PRKN: variants seen among roughly 807,000 people sequenced by gnomAD.
PRKN encodes E3 ubiquitin-protein ligase parkin.
In PRKN, 56 loss-of-function variants were observed where a neutral mutation model predicts 59.5. The ratio of observed to expected loss-of-function variants is 0.94; its 90% CI spans 0.76 to 1.18. PRKN has a LOEUF of 1.18. Ranked by LOEUF, PRKN falls within the 50% of genes most tolerant of loss-of-function variation. The pLI is 0.00. For synonymous variants in PRKN, 250 were observed against 222.1 expected, an observed-to-expected ratio of 1.13 and a Z score of -1.12; for missense variants, 657 against 596.4, an observed-to-expected ratio of 1.10 and a Z score of -1.06.
At chr6:161,351,840 G>A (rs1183302103) in intron 11 of PRKN, among the ~76,000 whole-genome samples, 5 of 152,130 alleles carry the variant, frequency 3.3e-5, no homozygotes, top group African/African-American at 9.7e-5. Flanking sequence ...ATCTCACCAA[G>A]GTCTGTGTGA....
intron 1 of PRKN, among the ~76,000 whole-genome samples, chr6:162,533,900 G>A (rs937122945): frequency 6.6e-6 from 1 of 150,600 alleles, no homozygotes; most frequent in Non-Finnish European, 1.5e-5. Context: ...GAACCCAGGA[G>A]GCAGAGGTTG....
intron 9 of PRKN, among the ~76,000 whole-genome samples, chr6:161,501,809 C>A (rs951210826): frequency 6.6e-6 from 1 of 152,148 alleles, no homozygotes; most frequent in African/African-American, 2.4e-5. Flanking sequence ...GTCTATAAAC[C>A]AAACAGACAG....
chr6:161,777,846 GTATA>G (rs975621874), intron 7 of PRKN, among the ~76,000 whole-genome samples: 1 of 142,962 alleles, frequency 7.0e-6, no homozygotes, highest in Non-Finnish European at 1.5e-5. Flanking sequence ...ACGTATATAT[GTATA>G]TATGTGTATA....
chr6:162,491,269 C>CAAAA (rs1415926992), intron 1 of PRKN, among the ~76,000 whole-genome samples: 1 of 76,030 alleles, frequency 1.3e-5, no homozygotes, highest in Non-Finnish European at 2.8e-5. Context: ...GACTCTGGCT[C>CAAAA]AAAAAAAAAA....
intron 6 of PRKN, among the ~76,000 whole-genome samples, chr6:161,875,004 TTA>T (rs1491468046): frequency 3.2e-5 from 3 of 92,366 alleles, no homozygotes; most frequent in East Asian, 6.5e-4. Context: ...ATATAATATA[TTA>T]TATATTATAT....
chr6:162,179,714 C>T (rs771675404), intron 4 of PRKN, among the ~76,000 whole-genome samples: 13 of 152,120 alleles, frequency 8.5e-5, no homozygotes, highest in Non-Finnish European at 1.9e-4. Context: ...AATCACCTGC[C>T]AAAGTCAGTC....
At chr6:162,125,425 A>G (rs1011880202) in intron 4 of PRKN, among the ~76,000 whole-genome samples, 1 of 152,168 alleles carries the variant, frequency 6.6e-6, no homozygotes, top group African/African-American at 2.4e-5. Context: ...AAATATTATC[A>G]TCATGTCTTC....
chr6:162,409,448 C>G lies in PRKN; in HGVS notation c.171+33862G>C, dbSNP rs560666786. ...CTGGCATTACAGGTGTGCACCACCA[C>G]GCCCAGACCCCTCTCCCTTTTCTGT... On this transcript the variant is annotated intron_variant, in intron 2 of 11. Transcript: ENST00000366898. Among the ~76,000 whole-genome samples the G allele has an allele frequency of 7.2e-5, 11 of 152,194 alleles. No homozygotes were observed. In the South Asian group the frequency reaches 8.3e-4, roughly 11 times the overall value.
Position 161,919,948 on chromosome 6 carries a change from T to G in PRKN, c.734+53354A>C, listed in dbSNP as rs1431863091. 2.6e-5 allele frequency among the ~76,000 whole-genome samples: 4 copies of G among 152,320 alleles called. No homozygotes were observed. The South Asian group carries it at 8.3e-4, about 32-fold the overall frequency. ...AACCACATGGATACATTCTGAGAAA[T>G]AGGTCTTTGTGTGGACATCACAGAG... On this transcript the variant is annotated intron_variant, in intron 6 of 11. Coordinates refer to ENST00000366898, the MANE Select transcript of PRKN (RefSeq NM_004562.3).
chr6:162,201,377 C>T, intron 3 of PRKN, 125 bp from the exon 4 acceptor site: 3 of 831,212 alleles, frequency 3.6e-6, no homozygotes, highest in South Asian at 1.4e-5. Context: ...TGAAACATTA[C>T]TGGAATAAAT....
At chr6:161,677,454 C>A (rs1213506022) in intron 7 of PRKN, among the ~76,000 whole-genome samples, 1 of 152,196 alleles carries the variant, frequency 6.6e-6, no homozygotes, top group Non-Finnish European at 1.5e-5. Flanking sequence ...CGTTGCCATG[C>A]AGCCCAAGGT....
chr6:162,694,140 G>A (rs535423691), intron 1 of PRKN, among the ~76,000 whole-genome samples: 4 of 151,676 alleles, frequency 2.6e-5, no homozygotes, highest in East Asian at 1.9e-4. Flanking sequence ...CCAGCTATTC[G>A]GGAGGCTGAG....
chr6:161,559,835 T>A (rs1241768294), intron 8 of PRKN, among the ~76,000 whole-genome samples: 4 of 152,312 alleles, frequency 2.6e-5, no homozygotes, highest in African/African-American at 4.8e-5. Flanking sequence ...AAATATTTTT[T>A]AAAATCATGT....
chr6:162,236,572 G>C (rs1289341081), intron 3 of PRKN, among the ~76,000 whole-genome samples: 1 of 151,848 alleles, frequency 6.6e-6, no homozygotes, highest in East Asian at 1.9e-4. Context: ...GATCACTGGA[G>C]GTCAGGAGTT....
At chr6:162,196,542 T>G (rs939250443) in intron 4 of PRKN, among the ~76,000 whole-genome samples, 2 of 152,184 alleles carry the variant, frequency 1.3e-5, no homozygotes, top group African/African-American at 4.8e-5. Context: ...TTCACCGTTT[T>G]CCAGTAAGCA....
chr6:162,144,809 C>G (rs114272380), intron 4 of PRKN, among the ~76,000 whole-genome samples: 98 of 152,278 alleles, frequency 6.4e-4, no homozygotes, highest in African/African-American at 2.3e-3. Flanking sequence ...GAAAGTCTCA[C>G]ACTGACAGGC....
At chr6:162,402,126 G>C (rs939834356) in intron 2 of PRKN, among the ~76,000 whole-genome samples, 4 of 151,986 alleles carry the variant, frequency 2.6e-5, no homozygotes, top group African/African-American at 7.2e-5. Flanking sequence ...GCACACACCT[G>C]TAATTCCAGC....
At position 161,458,766 on chromosome 6, in the gene PRKN, T is replaced by C. The variant is rs1790081698; in HGVS notation, c.1084-71889A>G. Among the ~76,000 whole-genome samples, 1 of 152,220 alleles carries C rather than the reference T, an allele frequency of 6.6e-6. No homozygotes were observed. The highest frequency in any genetic ancestry group is 1.5e-5 in the Non-Finnish European group (1 of 68,034). On this transcript the variant is annotated intron_variant, in intron 9 of 11. Coordinates refer to ENST00000366898, the MANE Select transcript of PRKN (RefSeq NM_004562.3). This position sits in a 1 kb window ranked among gnomAD's most constrained non-coding sequence, Gnocchi z 6.1. The stretch of plus-strand genomic sequence containing the variant: ...GTGGAATTCTGTAGTCTGCATGTGT[T>C]AGGCTGTGGGTAGGCAAGCTTGTCA...
At chr6:162,110,449 A>G (rs980010988) in intron 4 of PRKN, among the ~76,000 whole-genome samples, 1 of 152,210 alleles carries the variant, frequency 6.6e-6, no homozygotes, top group African/African-American at 2.4e-5. Flanking sequence ...ACTATGTAGG[A>G]GCTGATTTAA....
Sources: allele counts gnomAD v4.1 joint callset (sites outside exome capture counted in the v4.1 genomes callset), GRCh38; gene constraint gnomAD v4.1.1; non-coding constraint Gnocchi (gnomAD v3.1); transcripts MANE v1.5; gene names NCBI Gene and HGNC (gene_info 2026-07-23, HGNC 2026-07-21).